EFNA5: variants seen among roughly 807,000 people sequenced by gnomAD.
The protein encoded by EFNA5 is ephrin A5.
A neutral mutation model predicts 22.9 loss-of-function variants in EFNA5; 5 were observed. The ratio of observed to expected loss-of-function variants is 0.22; its 90% CI spans 0.11 to 0.46. The LOEUF is 0.46. Among genes scored for constraint, EFNA5 ranks in the 20% least tolerant of loss-of-function variants. The pLI is 0.99. For missense variants in EFNA5, 237 were observed against 293.3 expected, an observed-to-expected ratio of 0.81 and a Z score of 1.40; for synonymous variants, 113 against 112.2, an observed-to-expected ratio of 1.01 and a Z score of -0.04.
intron 1 of EFNA5, among the ~76,000 whole-genome samples, chr5:107,459,977 G>C (rs553784417): frequency 1.6e-4 from 24 of 152,252 alleles, no homozygotes; most frequent in Admixed American, 6.5e-4. Flanking sequence ...CAAACGCTTA[G>C]CCTTAGGAAC....
chr5:107,666,353 C>A (rs1197827873), intron 1 of EFNA5, among the ~76,000 whole-genome samples: 1 of 152,090 alleles, frequency 6.6e-6, no homozygotes, highest in East Asian at 1.9e-4. Flanking sequence ...CTCTTCTTAG[C>A]CACATACATT....
intron 1 of EFNA5, among the ~76,000 whole-genome samples, chr5:107,481,474 T>A (rs1040287434): frequency 6.6e-6 from 1 of 152,200 alleles, no homozygotes; most frequent in Non-Finnish European, 1.5e-5. Flanking sequence ...AAAGTAGTGA[T>A]TCATTCTGAC....
rs1020452355 is a variant in EFNA5, at chr5:107,380,718, T to A, written c.*537A>T. The A allele has an allele frequency of 1.8e-5, 7 of 398,700 alleles. No homozygotes were observed. Among genetic ancestry groups the A allele is most frequent in the African/African-American group, 1.2e-4 (6 of 48,584 alleles). 24.7% of individuals were successfully genotyped at this position (398,700 alleles called of 1,614,324 possible). A position where few individuals can be genotyped will look rare whatever the true frequency, so the allele number is the denominator to read the frequency against. ...TTACATACTCCTATAGGAAATGGTG[T>A]AATATCGTATCTATTCTTAATACCT... On this transcript the variant is annotated 3_prime_UTR_variant, in exon 5 of 5. Transcript: ENST00000333274.
chr5:107,640,174 G>A (rs1750471996), intron 1 of EFNA5, among the ~76,000 whole-genome samples: 1 of 152,244 alleles, frequency 6.6e-6, no homozygotes, highest in Admixed American at 6.5e-5. Context: ...ACTGGGTAAC[G>A]GAAACTTTGG....
intron 1 of EFNA5, among the ~76,000 whole-genome samples, chr5:107,438,791 C>T (rs960940243): frequency 6.6e-6 from 1 of 152,178 alleles, no homozygotes; most frequent in Non-Finnish European, 1.5e-5. Flanking sequence ...GAAATCTCTC[C>T]TTCCATCCCT....
chr5:107,569,585 A>ATTTATATATATATT (rs1748751196), intron 1 of EFNA5, among the ~76,000 whole-genome samples: 6 of 38,504 alleles, frequency 1.6e-4, no homozygotes, highest in African/African-American at 3.1e-4. Context: ...ATATATATAT[A>ATTTATATATATATT]TATATATATA....
In EFNA5 at chr5:107,634,823, A is replaced by G. The variant is rs192580984; in HGVS notation, c.125+35666T>C. On this transcript the variant is annotated intron_variant, in intron 1 of 4. Coordinates refer to ENST00000333274, the MANE Select transcript of EFNA5 (RefSeq NM_001962.3). ...ATAATGCAAGATTTCTAATGTTTAA[A>G]AAAGGTAGAACAACCCCAATAGCAT... 2.7e-5 allele frequency among the ~76,000 whole-genome samples: 3 copies of G among 112,894 alleles called. 1 individual carries two copies. The Admixed American group carries it at 3.1e-4, about 12-fold the overall frequency. 74.1% of individuals were successfully genotyped at this position (112,894 alleles called of 152,430 possible).
At chr5:107,390,720 T>G (rs1270348967) in intron 2 of EFNA5, among the ~76,000 whole-genome samples, 1 of 151,158 alleles carries the variant, frequency 6.6e-6, no homozygotes, top group African/African-American at 2.4e-5. Flanking sequence ...TAAATTTATA[T>G]ACATAAATTA....
intron 1 of EFNA5, among the ~76,000 whole-genome samples, chr5:107,604,323 A>T (rs188849074): frequency 6.6e-6 from 1 of 151,652 alleles, no homozygotes; most frequent in Admixed American, 6.6e-5. Flanking sequence ...GGGACCATGT[A>T]TGGGCTTGCA....
intron 1 of EFNA5, among the ~76,000 whole-genome samples, chr5:107,610,174 G>A (rs767616580): frequency 6.6e-6 from 1 of 152,216 alleles, no homozygotes; most frequent in Non-Finnish European, 1.5e-5. Flanking sequence ...TTTCAAAGGG[G>A]CCAGAGCAGC....
At chr5:107,381,447 G>A (rs1381384512) in intron 4 of EFNA5, 71 bp from the exon 5 acceptor site, 1 of 1,526,410 alleles carries the variant, frequency 6.6e-7, no homozygotes, top group Non-Finnish European at 8.9e-7. Context: ...GCAGCCTGCT[G>A]TTAACAGACC....
intron 2 of EFNA5, among the ~76,000 whole-genome samples, chr5:107,417,652 G>A (rs183906733): frequency 1.3e-5 from 2 of 152,276 alleles, no homozygotes; most frequent in Admixed American, 1.3e-4. Context: ...CTCAAGTTTT[G>A]AGAATTGCTT....
At chr5:107,389,410 A>G (rs1363633865) in intron 2 of EFNA5, among the ~76,000 whole-genome samples, 2 of 152,218 alleles carry the variant, frequency 1.3e-5, no homozygotes, top group Non-Finnish European at 2.9e-5. Flanking sequence ...CTGAGGGAGT[A>G]TATGTCTTAT....
intron 2 of EFNA5, among the ~76,000 whole-genome samples, chr5:107,408,188 C>CACACACACCCATCA (rs912613323): frequency 6.6e-6 from 1 of 151,930 alleles, no homozygotes; most frequent in African/African-American, 2.4e-5. Flanking sequence ...CACACACACA[C>CACACACACCCATCA]CCATCACCAT....
chr5:107,514,442 C>T (rs1453154613), intron 1 of EFNA5, among the ~76,000 whole-genome samples: 2 of 152,156 alleles, frequency 1.3e-5, no homozygotes, highest in Non-Finnish European at 2.9e-5. Flanking sequence ...TCTCCCTTCT[C>T]TGTGGTAGGC....
chr5:107,421,793 TTTC>T (rs924310224), intron 2 of EFNA5, among the ~76,000 whole-genome samples: 1 of 139,890 alleles, frequency 7.1e-6, no homozygotes, highest in African/African-American at 2.6e-5. Flanking sequence ...CATTTCTTTC[TTTC>T]TTTTTTTTTT....
rs1580411536 is a variant in EFNA5, at chr5:107,380,864, C to T, written c.*391G>A. ...TCCCAGCCCTAGCCAGCGCTGGCTG[C>T]ATCTGCCACTATTCTTCCTTGTCCA... On this transcript the variant is annotated 3_prime_UTR_variant, in exon 5 of 5. Transcript: ENST00000333274. The T allele has an allele frequency of 9.8e-6, 4 of 409,316 alleles. No individual in the cohort carries two copies. Among genetic ancestry groups the T allele is most frequent in the South Asian group, 1.1e-4 (1 of 8,872 alleles). 25.4% of individuals were successfully genotyped at this position (409,316 alleles called of 1,614,324 possible).
intron 1 of EFNA5, among the ~76,000 whole-genome samples, chr5:107,457,511 T>C (rs1381054239): frequency 6.6e-6 from 1 of 152,200 alleles, no homozygotes; most frequent in Admixed American, 6.5e-5. Context: ...ATGTAAATCA[T>C]TGTTATACTG....
At chr5:107,540,905 G>C (rs987780202) in intron 1 of EFNA5, among the ~76,000 whole-genome samples, 2 of 152,058 alleles carry the variant, frequency 1.3e-5, no homozygotes, top group Non-Finnish European at 2.9e-5. Flanking sequence ...TCAGGAGTTC[G>C]AGACCAGCCT....
Sources: allele counts gnomAD v4.1 joint callset (sites outside exome capture counted in the v4.1 genomes callset), GRCh38; gene constraint gnomAD v4.1.1; transcripts MANE v1.5; gene names NCBI Gene and HGNC (gene_info 2026-07-23, HGNC 2026-07-21).